Variants in PDE1C observed in about 807,000 individuals in gnomAD.
The protein encoded by PDE1C is phosphodiesterase 1C, also known as dual specificity calcium/calmodulin-dependent 3',5'-cyclic nucleotide phosphodiesterase 1C.
In PDE1C, 62 loss-of-function variants were observed where a neutral mutation model predicts 93.1. That is an observed-to-expected ratio of 0.67 (90% CI 0.54 to 0.82). The LOEUF is 0.82. PDE1C is among the 40% of genes least tolerant of loss of function. The pLI, the probability that PDE1C is intolerant of heterozygous loss-of-function variation, is 0.00. For synonymous variants in PDE1C, 325 were observed against 310.1 expected (o/e 1.05, Z -0.50); for missense variants, 742 against 884.6 (o/e 0.84, Z 2.04).
chr7:31,942,727 T>C (rs937283097), intron 2 of PDE1C, among the ~76,000 whole-genome samples: 11 of 152,196 alleles, frequency 7.2e-5, no homozygotes, highest in African/African-American at 2.4e-5. Context: ...TAAATCTATC[T>C]TGATGGTTGA....
intron 3 of PDE1C, among the ~76,000 whole-genome samples, chr7:32,128,904 CAAATATAT>C (rs1194624691): frequency 1.0e-3 from 42 of 40,788 alleles, no homozygotes; most frequent in African/African-American, 3.7e-3. Flanking sequence ...TAAAGTATAA[CAAATATAT>C]ATATATATAT....
At chr7:32,323,245 C>T (rs915330214) in intron 1 of PDE1C, among the ~76,000 whole-genome samples, 1 of 152,146 alleles carries the variant, frequency 6.6e-6, no homozygotes, top group Non-Finnish European at 1.5e-5. Context: ...AATAAAAGCA[C>T]CCCAAGTATT....
At chr7:31,715,890 G>A in the PDE1C span, among the ~76,000 whole-genome samples, 5 of 152,110 alleles carry the variant, frequency 3.3e-5, no homozygotes. Context: ...TGGTAGTGTG[G>A]CATTAAGGAC....
the PDE1C span, among the ~76,000 whole-genome samples, chr7:31,669,462 T>G: frequency 2.0e-5 from 3 of 152,196 alleles, no homozygotes; most frequent in African/African-American, 7.2e-5. Context: ...TTATCCCAGT[T>G]TAGTATCTAA....
the PDE1C span, among the ~76,000 whole-genome samples, chr7:31,743,659 A>T: frequency 6.6e-6 from 1 of 152,082 alleles, no homozygotes; most frequent in South Asian, 2.1e-4. Context: ...AATTTCAGGG[A>T]AGCAGGGTTT....
intron 2 of PDE1C, among the ~76,000 whole-genome samples, chr7:32,044,646 G>A (rs1026792730): frequency 6.6e-6 from 1 of 152,044 alleles, no homozygotes; most frequent in Non-Finnish European, 1.5e-5. Context: ...ATCATGGGAG[G>A]GAAAGTAATG....
chr7:31,805,300 G>C (rs955788577), intron 16 of PDE1C, among the ~76,000 whole-genome samples: 1 of 151,582 alleles, frequency 6.6e-6, no homozygotes, highest in Non-Finnish European at 1.5e-5. Context: ...TCTCAGAATG[G>C]TGTGCAATTT....
downstream of PDE1C, among the ~76,000 whole-genome samples, chr7:31,748,240 C>T (rs1265047554): frequency 7.0e-6 from 1 of 143,464 alleles, no homozygotes; most frequent in Non-Finnish European, 1.5e-5. Context: ...ATATTTTTCT[C>T]TCTTGTTATA....
At chr7:31,829,429 C>T (rs1042501237) in intron 11 of PDE1C, among the ~76,000 whole-genome samples, 14 of 152,052 alleles carry the variant, frequency 9.2e-5, no homozygotes, top group Admixed American at 5.3e-4. Context: ...TAATACACTC[C>T]GATTGTAATA....
At position 32,188,404 on chromosome 7, in the gene PDE1C, T is replaced by C. The variant is rs1804021573; in HGVS notation, c.137-18448A>G. 3.3e-5 allele frequency among the ~76,000 whole-genome samples: 5 copies of C among 152,116 alleles called. No homozygotes were observed. In the South Asian group the frequency reaches 1.0e-3, roughly 32 times the overall value. Reference sequence around the variant, plus strand: ...TATGTTGGTTCTTTCTTTTCTGACCTCCTACTACCTTTTCTCATCATTTTC... The same window carrying C: ...TATGTTGGTTCTTTCTTTTCTGACCCCCTACTACCTTTTCTCATCATTTTC... On this transcript the variant is annotated intron_variant, in intron 2 of 18. Coordinates refer to the PDE1C transcript ENST00000396193.
At chr7:31,713,657 G>A in the PDE1C span, among the ~76,000 whole-genome samples, 22 of 152,300 alleles carry the variant, frequency 1.4e-4, no homozygotes, top group African/African-American at 5.1e-4. Context: ...CTTCTGCCTG[G>A]GCATCCAGGC....
intron 2 of PDE1C, among the ~76,000 whole-genome samples, chr7:31,947,939 A>T (rs912807854): frequency 2.0e-5 from 3 of 152,220 alleles, no homozygotes; most frequent in African/African-American, 7.2e-5. Flanking sequence ...TAAGATGTGC[A>T]GGTGATGGTG....
chr7:32,057,832 A>C (rs572198038), intron 1 of PDE1C, among the ~76,000 whole-genome samples: 1 of 152,340 alleles, frequency 6.6e-6, no homozygotes, highest in South Asian at 2.1e-4. Flanking sequence ...AAATGTAAGC[A>C]TCAAGTACTC....
chr7:31,798,256 C>T (rs138463480), intron 16 of PDE1C, among the ~76,000 whole-genome samples: 84 of 151,836 alleles, frequency 5.5e-4, no homozygotes, highest in African/African-American at 2.0e-3. Flanking sequence ...TCAGTGTCAA[C>T]AAATCCTCTC....
intron 7 of PDE1C, among the ~76,000 whole-genome samples, chr7:31,861,620 G>A (rs969661800): frequency 3.3e-5 from 5 of 151,920 alleles, no homozygotes; most frequent in South Asian, 2.1e-4. Context: ...ATGTATTCTC[G>A]ATTCCCCTCT....
At chr7:31,984,405 G>A (rs1323879158) in intron 2 of PDE1C, among the ~76,000 whole-genome samples, 1 of 152,082 alleles carries the variant, frequency 6.6e-6, no homozygotes, top group African/African-American at 2.4e-5. Context: ...CACAAAATGG[G>A]TCCCTGGTGC....
chr7:32,091,449 C>T (rs1199945626), intron 3 of PDE1C, among the ~76,000 whole-genome samples: 1 of 152,120 alleles, frequency 6.6e-6, no homozygotes, highest in Non-Finnish European at 1.5e-5. Flanking sequence ...TTGCAATATT[C>T]ATCAGGGTGG....
chr7:31,708,055 G>A, the PDE1C span: 262 of 152,310 alleles, frequency 1.7e-3, 1 homozygote, highest in African/African-American at 6.1e-3. Flanking sequence ...ATCAATGTTT[G>A]TGATGAATTT....
chr7:32,298,829 A>G (rs915435158), exon 1 of PDE1C: 3 of 1,460,966 alleles, frequency 2.1e-6, no homozygotes, highest in Non-Finnish European at 2.7e-6. Flanking sequence ...TCGGCGGCGA[A>G]TCCTCCCCCG....
Sources: allele counts gnomAD v4.1 joint callset (sites outside exome capture counted in the v4.1 genomes callset), GRCh38; gene constraint gnomAD v4.1.1; transcripts MANE v1.5; gene names NCBI Gene and HGNC (gene_info 2026-07-23, HGNC 2026-07-21).